SGK1: variants seen among roughly 807,000 people sequenced by gnomAD.
SGK1 encodes the protein serine/threonine-protein kinase Sgk1.
A neutral mutation model predicts 64.2 loss-of-function variants in SGK1; 26 were observed. The ratio of observed to expected loss-of-function variants is 0.40; its 90% confidence interval spans 0.30 to 0.56. The LOEUF (loss-of-function observed/expected upper bound fraction) is 0.56, where lower values mean the gene tolerates loss of function less well. Ranked by LOEUF, SGK1 falls within the 20% of genes least tolerant of loss-of-function variation. The pLI, the probability that SGK1 is intolerant of heterozygous loss-of-function variation, is 0.38. For synonymous variants in SGK1, 265 were observed against 239.7 expected (o/e 1.11, Z -0.98); for missense variants, 519 against 645.6 (o/e 0.80, Z 2.12).
At position 134,279,577 on chromosome 6, in the gene SGK1, A is replaced by G. The variant is rs928022608; in HGVS notation, c.70-17429T>C. On this transcript the variant is annotated intron_variant, in intron 1 of 13. Transcript: ENST00000367858. The stretch of plus-strand genomic sequence containing the variant: ...AGATATCAATGAACTGACTTGTTAA[A>G]GAAAGAAAGTGGAAATGTAGTATAT... Among the ~76,000 whole-genome samples, 79 of 152,334 alleles carry G rather than the reference A, an allele frequency of 5.2e-4. 2 individuals are homozygous for G. The highest frequency in any genetic ancestry group is 1.0e-3 in the Admixed American group (16 of 15,306).
intron 2 of SGK1, among the ~76,000 whole-genome samples, chr6:134,216,624 G>A (rs1488331082): frequency 6.6e-6 from 1 of 152,176 alleles, no homozygotes; most frequent in East Asian, 1.9e-4. Flanking sequence ...CCTAGACATT[G>A]TATTTGGATT....
chr6:134,271,573 C>T lies in SGK1; in HGVS notation c.70-9425G>A, dbSNP rs1227843053. ...ACTGAGCTTTGGAAACAACTTCCTC[C>T]CCTCTTTCCTCCAAGAAATCCCCTT... On this transcript the variant is annotated intron_variant, in intron 1 of 13. Transcript: ENST00000367858. Among the ~76,000 whole-genome samples, 3 of 147,356 alleles carry T rather than the reference C, an allele frequency of 2.0e-5. 1 individual carries two copies. Among genetic ancestry groups the T allele is most frequent in the Non-Finnish European group, 4.5e-5 (3 of 66,582 alleles).
intron 3 of SGK1, among the ~76,000 whole-genome samples, chr6:134,195,931 ATAGT>A (rs1485508048): frequency 2.0e-5 from 3 of 152,238 alleles, no homozygotes; most frequent in African/African-American, 7.2e-5. Flanking sequence ...CTTTCAAACC[ATAGT>A]TAGTAAATCC....
chr6:134,311,065 C>T (rs1237354719), intron 1 of SGK1, among the ~76,000 whole-genome samples: 1 of 152,184 alleles, frequency 6.6e-6, no homozygotes, highest in African/African-American at 2.4e-5. Context: ...TACCCACCAG[C>T]TCTGAAGGGG....
chr6:134,246,155 CT>C (rs1200222743), intron 2 of SGK1, among the ~76,000 whole-genome samples: 19 of 146,642 alleles, frequency 1.3e-4, no homozygotes, highest in East Asian at 2.0e-4. Context: ...TCTTTTTTTT[CT>C]TTTTTTTTTG....
At chr6:134,212,093 G>A (rs376143868) in intron 2 of SGK1, among the ~76,000 whole-genome samples, 1 of 150,928 alleles carries the variant, frequency 6.6e-6, no homozygotes, top group South Asian at 2.1e-4. Flanking sequence ...TCTCTCTGTC[G>A]CCCAGGCTGG....
intron 1 of SGK1, among the ~76,000 whole-genome samples, chr6:134,268,946 GA>G (rs60194315): frequency 0.034 from 3,509 of 103,588 alleles, 172 homozygotes; most frequent in African/African-American, 0.083. Flanking sequence ...TCTTTACTTG[GA>G]AAAAAAAAAA....
At position 134,297,758 on chromosome 6, in the gene SGK1, C is replaced by T. The variant is rs186081697; in HGVS notation, c.69+19634G>A. Reference sequence around the variant, plus strand: ...CCTCGTGATCAGCCTGCCTCGGCCTCCCAAAGTGCTGGGATTACAGGCGTG... The same window carrying T: ...CCTCGTGATCAGCCTGCCTCGGCCTTCCAAAGTGCTGGGATTACAGGCGTG... On this transcript the variant is annotated intron_variant, in intron 1 of 13. Transcript: ENST00000367858. 3.2e-5 allele frequency: 16 copies of T among 497,206 alleles called. No individual in the cohort carries two copies. In the East Asian group the frequency reaches 7.3e-4, roughly 23 times the overall value. The allele number at this position is 497,206 out of a possible 1,614,324, so 30.8% of individuals were successfully genotyped here. A position where few individuals can be genotyped will look rare whatever the true frequency, so the allele number is the denominator to read the frequency against.
chr6:134,172,225 T>C lies in SGK1; in HGVS notation c.1039A>G (p.Ser347Gly), dbSNP rs1178929260. Residue 347 changes from serine to glycine, a missense_variant, in exon 10 of 14, where the codon AGC becomes GGC. Physicochemically the swap from Ser to Gly is moderately conservative, Grantham distance 56 (BLOSUM62 0). Transcript: ENST00000367858. ...GLCKENIEHN[S>G]TTSTFCGTPE... is the part of the protein sequence containing the mutation. ...GTGCCACAGAAGGTGGATGTTGTGC[T>C]GTTGTGTTCAATGTTCTCCTTGCAG... The C allele has an allele frequency of 1.9e-6, 3 of 1,614,234 alleles. No individual in the cohort carries two copies. In the East Asian group the frequency reaches 6.7e-5, roughly 36 times the overall value.
intron 13 of SGK1, 105 bp downstream of exon 13, chr6:134,170,720 GA>G (rs1274567588): frequency 3.7e-6 from 3 of 816,084 alleles, no homozygotes; most frequent in Admixed American, 4.7e-5. Context: ...GGTTTATGGA[GA>G]AAACATCTGC....
intron 1 of SGK1, among the ~76,000 whole-genome samples, chr6:134,301,531 TTCTTCTCTTCTCTTC>T (rs56681881): frequency 0.016 from 2,295 of 139,112 alleles, 29 homozygotes; most frequent in African/African-American, 0.02. Flanking sequence ...CTTTTCTCTT[TTCTTCTCTTCTCTTC>T]TCTTCTCTTC....
chr6:134,187,018 G>A (rs1444299702), intron 3 of SGK1, among the ~76,000 whole-genome samples: 1 of 152,060 alleles, frequency 6.6e-6, no homozygotes, highest in Non-Finnish European at 1.5e-5. Flanking sequence ...GTTTCAGTAT[G>A]TAGGTCAAGC....
chr6:134,170,343 G>T lies in SGK1; in HGVS notation c.1506C>A (p.Val502=). Residue 502 remains valine, a synonymous_variant, in exon 14 of 14, where the codon GTC becomes GTA. Transcript: ENST00000367858. Reference sequence around the variant, plus strand: ...CGGCAGCTTCCTTGACGCTGGCTGTGACGAGGACGCTGTCAGGGGACTTGC... The same window carrying T: ...CGGCAGCTTCCTTGACGCTGGCTGTTACGAGGACGCTGTCAGGGGACTTGC... ...SIGKSPDSVL[V]TASVKEAAEA... is the part of the protein sequence containing the mutation. The T allele has an allele frequency of 6.2e-7, 1 of 1,614,162 alleles. No individual in the cohort carries two copies. Among genetic ancestry groups the T allele is most frequent in the South Asian group, 1.1e-5 (1 of 91,080 alleles).
chr6:134,290,377 C>T, intron 1 of SGK1, among the ~76,000 whole-genome samples: 1 of 150,712 alleles, frequency 6.6e-6, no homozygotes, highest in South Asian at 2.1e-4. Context: ...TTGGAGCCTA[C>T]TCCCACTCTG....
chr6:134,184,761 A>G (rs570676832), intron 3 of SGK1, among the ~76,000 whole-genome samples: 35 of 152,182 alleles, frequency 2.3e-4, no homozygotes, highest in Middle Eastern at 3.4e-3. Context: ...ACGGCTCACC[A>G]CAACCTCTGC....
chr6:134,188,172 T>A (rs973743587), intron 3 of SGK1, among the ~76,000 whole-genome samples: 13 of 152,178 alleles, frequency 8.5e-5, no homozygotes, highest in Non-Finnish European at 1.8e-4. Flanking sequence ...ACCCCTCTAC[T>A]GAGGTCACCC....
intron 3 of SGK1, among the ~76,000 whole-genome samples, chr6:134,207,142 C>T (rs1763513): frequency 0.66 from 99,871 of 151,874 alleles, 35,016 homozygotes; most frequent in South Asian, 0.85. Context: ...AGGAGAATGG[C>T]GTGAACCTGG....
At chr6:134,313,021 C>T (rs983742210) in intron 1 of SGK1, among the ~76,000 whole-genome samples, 1 of 152,294 alleles carries the variant, frequency 6.6e-6, no homozygotes, top group Admixed American at 6.5e-5. Flanking sequence ...GATCTGCCTG[C>T]CTAACCCTCC....
chr6:134,315,475 C>G (rs1050829845), intron 1 of SGK1, among the ~76,000 whole-genome samples: 1 of 151,978 alleles, frequency 6.6e-6, no homozygotes, highest in African/African-American at 2.4e-5. Flanking sequence ...TGCAGAGTCA[C>G]CAACTGAAGT....
Sources: allele counts gnomAD v4.1 joint callset (sites outside exome capture counted in the v4.1 genomes callset), GRCh38; gene constraint gnomAD v4.1.1; transcripts MANE v1.5; gene names NCBI Gene and HGNC (gene_info 2026-07-23, HGNC 2026-07-21).